Variants in ONECUT1 observed in about 807,000 individuals in gnomAD.
ONECUT1 encodes the protein one cut homeobox 1.
A neutral mutation model predicts 25.6 loss-of-function variants in ONECUT1; 12 were observed. The ratio of observed to expected loss-of-function variants is 0.47; its 90% CI spans 0.30 to 0.76. The LOEUF (loss-of-function observed/expected upper bound fraction) is 0.76, where lower values mean the gene tolerates loss of function less well. Among genes scored for constraint, ONECUT1 ranks in the 30% least tolerant of loss-of-function variants. The pLI, the probability that ONECUT1 is intolerant of heterozygous loss-of-function variation, is 0.07. For synonymous variants in ONECUT1, 285 were observed against 270.2 expected (o/e 1.05, Z -0.54); for missense variants, 620 against 651.2 (o/e 0.95, Z 0.52).
At chr15:52,787,996 G>C (rs1328709614) in intron 1 of ONECUT1, 1 of 152,142 alleles carries the variant, frequency 6.6e-6, no homozygotes, top group African/African-American at 2.4e-5. Context: ...TCCCGCACGG[G>C]GATTCAGACG....
chr15:52,777,998 AAT>A (rs1397318816), intron 1 of ONECUT1, among the ~76,000 whole-genome samples: 2 of 152,228 alleles, frequency 1.3e-5, no homozygotes, highest in African/African-American at 4.8e-5. Flanking sequence ...CTTAAATGAC[AAT>A]AGAGTATGTC....
chr15:52,769,754 G>A lies in ONECUT1; in HGVS notation c.1106-11907C>T, dbSNP rs150529675. Among the ~76,000 whole-genome samples the A allele has an allele frequency of 2.0e-5, 3 of 152,274 alleles. No individual in the cohort carries two copies. The East Asian group carries it at 5.8e-4, about 29-fold the overall frequency. ...AATCACCTCCCTTTACCAAGGTTAGGTGCCCAGGAGGGGCCACTGAGTACC... is the reference window on the plus strand; with the variant it reads ...AATCACCTCCCTTTACCAAGGTTAGATGCCCAGGAGGGGCCACTGAGTACC... On this transcript the variant is annotated intron_variant, in intron 1 of 1. Coordinates refer to ENST00000305901, the MANE Select transcript of ONECUT1 (RefSeq NM_004498.4).
chr15:52,763,389 A>T (rs1475933881), intron 1 of ONECUT1, among the ~76,000 whole-genome samples: 1 of 152,142 alleles, frequency 6.6e-6, no homozygotes, highest in Non-Finnish European at 1.5e-5. Context: ...GAAGAAAAAA[A>T]AAACAGAGCA....
At chr15:52,764,699 C>T (rs2083724092) in intron 1 of ONECUT1, among the ~76,000 whole-genome samples, 1 of 152,148 alleles carries the variant, frequency 6.6e-6, no homozygotes, top group Non-Finnish European at 1.5e-5. Context: ...TCCAGGACAC[C>T]ATGAAACTGC....
chr15:52,789,279 G>C lies in ONECUT1; in HGVS notation c.606C>G (p.His202Gln). The C allele has an allele frequency of 2.6e-6, 4 of 1,549,568 alleles. No individual in the cohort carries two copies. In the South Asian group the frequency reaches 4.9e-5, roughly 19 times the overall value. The change falls in exon 1 of 2, where the codon CAC becomes CAG. Residue 202 changes from histidine to glutamine, a missense_variant. By Grantham distance (24) the His-to-Gln change is conservative. Around this residue, in one of 4 missense-constraint regions of ONECUT1, gnomAD observed 440 missense variants for 404.9 expected, o/e 1.09. Coordinates refer to ENST00000305901, the MANE Select transcript of ONECUT1 (RefSeq NM_004498.4). This position sits in a 1 kb window ranked among gnomAD's most constrained non-coding sequence, Gnocchi z 4.1. ...NSQQGLPHYA[H>Q]PGAAMPTDKM... is the part of the protein sequence containing the mutation. ...TGTCGGTGGGCATGGCGGCCCCCGG[G>C]TGGGCATAGTGGGGGAGCCCTTGCT... is the stretch of plus-strand genomic sequence containing the variant.
At chr15:52,763,425 C>T (rs1424333438) in intron 1 of ONECUT1, among the ~76,000 whole-genome samples, 7 of 151,936 alleles carry the variant, frequency 4.6e-5, no homozygotes, top group Non-Finnish European at 8.8e-5. Flanking sequence ...AGGACAGAGA[C>T]TTCTAGTTCA....
chr15:52,761,678 GA>G (rs1314869021), intron 1 of ONECUT1, among the ~76,000 whole-genome samples: 2 of 152,044 alleles, frequency 1.3e-5, no homozygotes, highest in African/African-American at 4.8e-5. Flanking sequence ...TTCAGAAAAA[GA>G]AAAGAAAACC....
At chr15:52,783,477 G>A (rs1194618818) in intron 1 of ONECUT1, among the ~76,000 whole-genome samples, 2 of 152,218 alleles carry the variant, frequency 1.3e-5, no homozygotes, top group Non-Finnish European at 2.9e-5. Flanking sequence ...AGAGAAATGG[G>A]ACCAGGCGTC....
At chr15:52,763,024 T>C (rs562247335) in intron 1 of ONECUT1, among the ~76,000 whole-genome samples, 3 of 152,296 alleles carry the variant, frequency 2.0e-5, no homozygotes, top group African/African-American at 7.2e-5. Flanking sequence ...CAAGAAGTAG[T>C]GCTGCTTAGG....
chr15:52,775,019 G>A (rs774121782), intron 1 of ONECUT1, among the ~76,000 whole-genome samples: 2 of 152,104 alleles, frequency 1.3e-5, no homozygotes, highest in Non-Finnish European at 2.9e-5. Flanking sequence ...GCGAAACTCT[G>A]TCTCTACTGA....
chr15:52,772,371 G>A (rs2083773565), intron 1 of ONECUT1, among the ~76,000 whole-genome samples: 1 of 151,038 alleles, frequency 6.6e-6, no homozygotes, highest in South Asian at 2.1e-4. Flanking sequence ...TCCAGCCTGG[G>A]CGACAGAGCG....
At chr15:52,761,131 C>T (rs2083703658) in intron 1 of ONECUT1, among the ~76,000 whole-genome samples, 1 of 151,936 alleles carries the variant, frequency 6.6e-6, no homozygotes, top group Non-Finnish European at 1.5e-5. Context: ...GGACCCTCAC[C>T]CCAATCCCTT....
chr15:52,769,745 C>T (rs1489335375), intron 1 of ONECUT1, among the ~76,000 whole-genome samples: 2 of 152,082 alleles, frequency 1.3e-5, no homozygotes, highest in South Asian at 2.1e-4. Flanking sequence ...CTCCCTTTAC[C>T]AAGGTTAGGT....
At chr15:52,774,654 T>C (rs539215391) in intron 1 of ONECUT1, among the ~76,000 whole-genome samples, 10 of 152,144 alleles carry the variant, frequency 6.6e-5, no homozygotes, top group Admixed American at 6.5e-4. Context: ...AGAAATAAGA[T>C]ACAAGGTGCT....
intron 1 of ONECUT1, 49 bp from the exon 2 acceptor site, chr15:52,757,896 C>CA (rs1290709239): frequency 5.8e-6 from 9 of 1,562,968 alleles, no homozygotes; most frequent in Non-Finnish European, 6.9e-6. Flanking sequence ...AGGGGAGAAT[C>CA]ATGAGTAGAA....
chr15:52,772,214 G>A (rs1355843267), intron 1 of ONECUT1, among the ~76,000 whole-genome samples: 2 of 152,098 alleles, frequency 1.3e-5, no homozygotes, highest in Non-Finnish European at 2.9e-5. Context: ...CTAACACAGT[G>A]AAACCCCGTC....
In ONECUT1 at chr15:52,789,998, CCT is replaced by C; in HGVS notation, c.-116_-115del. The C allele has an allele frequency of 7.2e-7, 1 of 1,392,156 alleles. No individual in the cohort carries two copies. Among genetic ancestry groups the C allele is most frequent in the Non-Finnish European group, 9.3e-7 (1 of 1,077,384 alleles). 86.2% of individuals were successfully genotyped at this position (1,392,156 alleles called of 1,614,324 possible). On this transcript the variant is annotated 5_prime_UTR_variant, in exon 1 of 2. Coordinates refer to ENST00000305901, the MANE Select transcript of ONECUT1 (RefSeq NM_004498.4). This position sits in a 1 kb window ranked among gnomAD's most constrained non-coding sequence, Gnocchi z 4.1. ...GCTGCTGGCGACTGTTGCCTTCCTTCCTCTCACTGTGGGGCTCTGTCTCTCTC... is the reference window on the plus strand; with the variant it reads ...GCTGCTGGCGACTGTTGCCTTCCTTCCTCACTGTGGGGCTCTGTCTCTCTC...
chr15:52,761,316 T>G lies in ONECUT1; in HGVS notation c.1106-3469A>C, dbSNP rs375460494. On this transcript the variant is annotated intron_variant, in intron 1 of 1. Coordinates refer to ENST00000305901, the MANE Select transcript of ONECUT1 (RefSeq NM_004498.4). ...AACATGCTCCGAAAACCTTTCTGAA[T>G]GCACATCTCAGAAACTCATAATCTG... Among the ~76,000 whole-genome samples the G allele has an allele frequency of 5.3e-4, 80 of 152,310 alleles. 3 individuals are homozygous for G. The South Asian group carries it at 0.015, about 29-fold the overall frequency.
At position 52,756,131 on chromosome 15, in the gene ONECUT1, G is replaced by C. The variant is rs1466787912; in HGVS notation, c.*1424C>G. On this transcript the variant is annotated 3_prime_UTR_variant, in exon 2 of 2. Transcript: ENST00000305901. ...AAGTCTTGTCGTCCACCAGAACACT[G>C]GCTTTTTTCTATACAGTTCCACCAA... is the stretch of plus-strand genomic sequence containing the variant. 6.6e-6 allele frequency among the ~76,000 whole-genome samples: 1 copy of C among 152,068 alleles called. No homozygotes were observed. The highest frequency in any genetic ancestry group is 1.5e-5 in the Non-Finnish European group (1 of 67,996).
Sources: allele counts gnomAD v4.1 joint callset (sites outside exome capture counted in the v4.1 genomes callset), GRCh38; gene constraint gnomAD v4.1.1; regional missense constraint gnomAD v4.1.1; non-coding constraint Gnocchi (gnomAD v3.1); transcripts MANE v1.5; gene names NCBI Gene and HGNC (gene_info 2026-07-23, HGNC 2026-07-21).